Variants in TFDP2 observed in about 807,000 individuals in gnomAD.
TFDP2 encodes the protein transcription factor Dp-2.
TFDP2 carries 17 observed loss-of-function variants against 59.3 expected under a neutral mutation model. That is an observed-to-expected ratio of 0.29 (90% confidence interval 0.20 to 0.43). The LOEUF (loss-of-function observed/expected upper bound fraction) is 0.43. Among genes scored for constraint, TFDP2 ranks in the 20% least tolerant of loss-of-function variants. The pLI is 1.00. For synonymous variants in TFDP2, 180 were observed against 194.7 expected (o/e 0.92, Z 0.63); for missense variants, 391 against 528.8 (o/e 0.74, Z 2.56).
At position 141,978,576 on chromosome 3, in the gene TFDP2, C is replaced by A. The variant is rs1251458626; in HGVS notation, c.463G>T (p.Ala155Ser). The change falls in exon 7 of 13, where the codon GCT (alanine) becomes TCT (serine). Residue 155 changes from alanine (A) to serine (S), a missense_variant. By Grantham distance (99) the Ala-to-Ser change is moderately conservative (BLOSUM62 1). Transcript: ENST00000489671. The part of the protein sequence containing the change: ...RKGTTSYNEV[A>S]DELVSEFTNS... ...GTGAACTCTGACACCAGCTCATCAGCGACTTCATTGTACGATGTTGTACCT... is the reference window on the plus strand; with the variant it reads ...GTGAACTCTGACACCAGCTCATCAGAGACTTCATTGTACGATGTTGTACCT... 1 of 1,613,454 alleles carries A rather than the reference C, an allele frequency of 6.2e-7. No individual in the cohort carries two copies. Among genetic ancestry groups the A allele is most frequent in the African/African-American group, 1.3e-5 (1 of 74,884 alleles).
At chr3:142,042,630 C>CTTTTTTTTTTT (rs66981475) in intron 3 of TFDP2, among the ~76,000 whole-genome samples, 12 of 108,210 alleles carry the variant, frequency 1.1e-4, no homozygotes, top group South Asian at 3.3e-4. Flanking sequence ...CTTTTCTTTT[C>CTTTTTTTTTTT]TTTTTTTTTT....
intron 3 of TFDP2, among the ~76,000 whole-genome samples, chr3:142,090,562 C>CTTTT (rs944915464): frequency 7.2e-6 from 1 of 139,270 alleles, no homozygotes; most frequent in Admixed American, 7.2e-5. Flanking sequence ...TCTTTCTTTC[C>CTTTT]TTTTTTTTTT....
At chr3:141,978,719 A>G in intron 6 of TFDP2, 37 bp from the exon 7 acceptor site, 1 of 1,444,164 alleles carries the variant, frequency 6.9e-7, no homozygotes, top group Non-Finnish European at 9.3e-7. Flanking sequence ...TCCATTATAC[A>G]TATTAGAGAC....
chr3:141,956,642 A>T (rs1443747215), intron 11 of TFDP2, among the ~76,000 whole-genome samples: 1 of 152,094 alleles, frequency 6.6e-6, no homozygotes, highest in East Asian at 1.9e-4. Flanking sequence ...ATCAGAAGTC[A>T]TTATGGAAAT....
At chr3:142,031,295 C>T (rs1214315884) in intron 3 of TFDP2, among the ~76,000 whole-genome samples, 3 of 152,110 alleles carry the variant, frequency 2.0e-5, no homozygotes, top group Admixed American at 2.0e-4. Context: ...AAATACTGAG[C>T]ACCTATTATG....
intron 3 of TFDP2, among the ~76,000 whole-genome samples, chr3:142,034,280 G>T (rs1576789588): frequency 6.6e-6 from 1 of 151,734 alleles, no homozygotes; most frequent in South Asian, 2.1e-4. Context: ...TGTATTTTTA[G>T]TAGAGACAGC....
intron 3 of TFDP2, among the ~76,000 whole-genome samples, chr3:142,078,119 A>T (rs897074783): frequency 6.6e-6 from 1 of 152,178 alleles, no homozygotes; most frequent in East Asian, 1.9e-4. Context: ...AAGAGTGAGA[A>T]GGACTTTGTC....
intron 3 of TFDP2, among the ~76,000 whole-genome samples, chr3:142,080,493 A>T (rs1279437157): frequency 6.6e-6 from 1 of 152,166 alleles, no homozygotes; most frequent in African/African-American, 2.4e-5. Context: ...AGTAAGTCCG[A>T]CTTATCAACA....
At chr3:142,042,630 C>CT (rs66981475) in intron 3 of TFDP2, among the ~76,000 whole-genome samples, 539 of 108,178 alleles carry the variant, frequency 5.0e-3, no homozygotes, top group African/African-American at 8.5e-3. Flanking sequence ...CTTTTCTTTT[C>CT]TTTTTTTTTT....
chr3:142,069,338 C>T (rs1404686142), intron 3 of TFDP2, among the ~76,000 whole-genome samples: 1 of 152,154 alleles, frequency 6.6e-6, no homozygotes, highest in Non-Finnish European at 1.5e-5. Context: ...TAACTACATC[C>T]TAGTGATGGA....
chr3:142,042,511 G>A (rs750838577), intron 3 of TFDP2, among the ~76,000 whole-genome samples: 80 of 151,842 alleles, frequency 5.3e-4, no homozygotes, highest in Non-Finnish European at 6.0e-4. Flanking sequence ...TGTTGGCCAG[G>A]ATGGTCTCGA....
rs537369289 is a variant in TFDP2 at position 142,044,927 on chromosome 3, C to A, written c.83-39383G>T. On this transcript the variant is annotated intron_variant, in intron 3 of 12. Coordinates refer to ENST00000489671, the MANE Select transcript of TFDP2 (RefSeq NM_001178139.2). ...GAAGGCTTTAATATAGAATCTGGTACTCAATATATATTTAGTTATTATTAT... is the reference window on the plus strand; with the variant it reads ...GAAGGCTTTAATATAGAATCTGGTAATCAATATATATTTAGTTATTATTAT... 2.6e-5 allele frequency among the ~76,000 whole-genome samples: 4 copies of A among 152,182 alleles called. 1 individual carries two copies. The highest frequency in any genetic ancestry group is 9.6e-5 in the African/African-American group (4 of 41,530).
chr3:141,993,479 G>A (rs1576616298), intron 6 of TFDP2, 59 bp downstream of exon 6: 3 of 1,118,264 alleles, frequency 2.7e-6, no homozygotes, highest in Non-Finnish European at 3.9e-6. Flanking sequence ...CAGTGGCAAT[G>A]CCAACAGCCT....
At chr3:141,998,151 G>A in intron 4 of TFDP2, among the ~76,000 whole-genome samples, 1 of 152,114 alleles carries the variant, frequency 6.6e-6, no homozygotes, top group East Asian at 1.9e-4. Context: ...TAAGGCCTAA[G>A]AGTATGTGAG....
intron 11 of TFDP2, among the ~76,000 whole-genome samples, chr3:141,959,243 G>A (rs1937064384): frequency 6.6e-6 from 1 of 152,002 alleles, no homozygotes; most frequent in African/African-American, 2.4e-5. Context: ...GGTGTGAGCT[G>A]CAGCGCCCGG....
At chr3:142,131,274 T>C (rs1312011495) in intron 1 of TFDP2, among the ~76,000 whole-genome samples, 1 of 150,026 alleles carries the variant, frequency 6.7e-6, no homozygotes, top group East Asian at 1.9e-4. Context: ...ATAATCCAAA[T>C]TTGAATACAT....
At position 141,959,747 on chromosome 3, in the gene TFDP2, T is replaced by C; in HGVS notation, c.978A>G (p.Ser326=). 5 of 1,614,228 alleles carry C rather than the reference T, an allele frequency of 3.1e-6. No individual in the cohort carries two copies. The highest frequency in any genetic ancestry group is 1.6e-4 in the Middle Eastern group (1 of 6,062). The change falls in exon 11 of 13, where the codon TCA becomes TCG. Residue 326 remains serine (S), a synonymous_variant. Transcript: ENST00000489671. ...KRMGMSFGLE[S]GKCSLEDLKL... is the part of the protein sequence containing the mutation. ...TCAGATCCTCCAGAGAGCATTTGCC[T>C]GACTCCAGGCCAAACGACATTCCCA...
At position 141,951,085 on chromosome 3, in the gene TFDP2, T is replaced by A. The variant is rs1935892681; in HGVS notation, c.*1428A>T. On this transcript the variant is annotated 3_prime_UTR_variant, in exon 13 of 13. Transcript: ENST00000489671. ...GAGCCTGCACTTCCCCCATGGGATT[T>A]AAAAAAGAACCAATTTGGGCCATGC... 1 of 152,126 alleles carries A rather than the reference T, an allele frequency of 6.6e-6. No homozygotes were observed. Among genetic ancestry groups the A allele is most frequent in the Admixed American group, 6.5e-5 (1 of 15,280 alleles). The allele number at this position is 152,126 out of a possible 1,614,324, so 9.4% of individuals were successfully genotyped here.
chr3:141,965,497 G>A (rs1166281109), intron 9 of TFDP2, among the ~76,000 whole-genome samples: 1 of 97,612 alleles, frequency 1.0e-5, no homozygotes. Flanking sequence ...TTCTCAAGAA[G>A]AAAAAGAAAA....
Sources: allele counts gnomAD v4.1 joint callset (sites outside exome capture counted in the v4.1 genomes callset), GRCh38; gene constraint gnomAD v4.1.1; transcripts MANE v1.5; gene names NCBI Gene and HGNC (gene_info 2026-07-23, HGNC 2026-07-21).